The following USP12 variants were observed in gnomAD, a reference collection of about 807,000 sequenced individuals.
USP12 encodes ubiquitin carboxyl-terminal hydrolase 12.
A neutral mutation model predicts 45.5 loss-of-function variants in USP12; 19 were observed. That is an observed-to-expected ratio of 0.42 (90% CI 0.29 to 0.61). The LOEUF (loss-of-function observed/expected upper bound fraction) is 0.61. Ranked by LOEUF, USP12 falls within the 20% of genes least tolerant of loss-of-function variation. The pLI, the probability that USP12 is intolerant of heterozygous loss-of-function variation, is 0.22. For missense variants in USP12, 242 were observed against 447.7 expected, an observed-to-expected ratio of 0.54 and a Z score of 4.15; for synonymous variants, 149 against 148.8, an observed-to-expected ratio of 1.00 and a Z score of -0.01.
intron 6 of USP12, among the ~76,000 whole-genome samples, chr13:27,080,835 A>C (rs2137760254): frequency 6.6e-6 from 1 of 152,300 alleles, no homozygotes; most frequent in South Asian, 2.1e-4. Flanking sequence ...ATGTAACAGC[A>C]TTATGTCTGA....
intron 4 of USP12, among the ~76,000 whole-genome samples, 173 bp from the exon 5 acceptor site, chr13:27,090,331 C>A (rs1486950737): frequency 1.3e-5 from 2 of 152,094 alleles, no homozygotes; most frequent in Non-Finnish European, 2.9e-5. Flanking sequence ...GAATAAATAA[C>A]CCCTACCAGA....
rs529431283 is a variant in USP12 at position 27,142,064 on chromosome 13, C to CT, written c.49-25469dup. Among the ~76,000 whole-genome samples the CT allele has an allele frequency of 5.3e-3, 807 of 152,242 alleles. 8 individuals are homozygous for CT. Among genetic ancestry groups the CT allele is most frequent in the African/African-American group, 0.019 (773 of 41,540 alleles). ...TTGAACTCAGGAGGCAGAGGGTGCA[C>CT]TGAGCTGAGATCGTGCCACTACACT... On this transcript the variant is annotated intron_variant, in intron 1 of 8. Coordinates refer to ENST00000282344, the MANE Select transcript of USP12 (RefSeq NM_182488.4).
chr13:27,164,172 A>G (rs1006354020), intron 1 of USP12, among the ~76,000 whole-genome samples: 3 of 152,186 alleles, frequency 2.0e-5, no homozygotes, highest in Non-Finnish European at 4.4e-5. Flanking sequence ...CAAAGGCAAC[A>G]GTACTCTAAC....
At chr13:27,120,621 TAA>T (rs57930303) in intron 1 of USP12, among the ~76,000 whole-genome samples, 7,417 of 145,090 alleles carry the variant, frequency 0.051, 188 homozygotes, top group Middle Eastern at 0.059. Context: ...AAACTCCATC[TAA>T]AAAAAAAAAA....
Position 27,129,214 on chromosome 13 carries a change from T to C in USP12, c.49-12618A>G, listed in dbSNP as rs1387396800. On this transcript the variant is annotated intron_variant, in intron 1 of 8. Transcript: ENST00000282344. This position sits in a 1 kb window ranked among gnomAD's most constrained non-coding sequence, Gnocchi z 4.0. ...TCACTGAGACAACAGGAATATTATA[T>C]TAAACCACAGTTAAGTGGAAAGAAC... Among the ~76,000 whole-genome samples, 1 of 143,574 alleles carries C rather than the reference T, an allele frequency of 7.0e-6. No individual in the cohort carries two copies. Among genetic ancestry groups the C allele is most frequent in the Non-Finnish European group, 1.5e-5 (1 of 65,300 alleles). 94.2% of individuals were successfully genotyped at this position (143,574 alleles called of 152,430 possible).
chr13:27,132,229 C>CA (rs1159721500), intron 1 of USP12, among the ~76,000 whole-genome samples: 5 of 152,006 alleles, frequency 3.3e-5, no homozygotes, highest in Non-Finnish European at 1.5e-5. Context: ...TTGGTGTATT[C>CA]AAAAAGCAAT....
At chr13:27,086,193 A>ATATATAT (rs1333218859) in intron 6 of USP12, among the ~76,000 whole-genome samples, 139 of 66,848 alleles carry the variant, frequency 2.1e-3, no homozygotes, top group Admixed American at 2.8e-3. Flanking sequence ...AAAAAAAAAA[A>ATATATAT]AAAAATATAT....
intron 1 of USP12, among the ~76,000 whole-genome samples, chr13:27,128,599 C>A: frequency 6.6e-6 from 1 of 152,226 alleles, no homozygotes; most frequent in East Asian, 1.9e-4. Flanking sequence ...GATTCACCCA[C>A]TTTGGTGAAC....
chr13:27,079,387 T>G (rs995725500), intron 6 of USP12, among the ~76,000 whole-genome samples: 1 of 152,208 alleles, frequency 6.6e-6, no homozygotes, highest in Non-Finnish European at 1.5e-5. Flanking sequence ...CTTTAGCACC[T>G]GTCAGTGACT....
At chr13:27,106,005 T>C in intron 2 of USP12, 61 bp from the exon 3 acceptor site, 3 of 1,413,924 alleles carry the variant, frequency 2.1e-6, no homozygotes, top group Middle Eastern at 1.8e-4. Context: ...AGAGAGAAAT[T>C]CCCGGTATAT....
At chr13:27,153,642 C>CTCA (rs946120707) in intron 1 of USP12, among the ~76,000 whole-genome samples, 6 of 152,136 alleles carry the variant, frequency 3.9e-5, no homozygotes, top group Admixed American at 2.0e-4. Flanking sequence ...CCTCATGGAG[C>CTCA]TCACACACCC....
chr13:27,161,275 A>G (rs890038560), intron 1 of USP12, among the ~76,000 whole-genome samples: 4 of 152,202 alleles, frequency 2.6e-5, no homozygotes, highest in Non-Finnish European at 4.4e-5. Flanking sequence ...TAACGGCTAG[A>G]TTTTTGGACT....
chr13:27,075,416 T>C (rs756269699), intron 6 of USP12, 28 bp from the exon 7 acceptor site: 1 of 1,574,294 alleles, frequency 6.4e-7, no homozygotes, highest in Non-Finnish European at 8.7e-7. Flanking sequence ...GAAAACAAAA[T>C]TTCATAAAAG....
intron 1 of USP12, among the ~76,000 whole-genome samples, chr13:27,117,160 C>T (rs982961318): frequency 6.6e-6 from 1 of 152,120 alleles, no homozygotes; most frequent in Non-Finnish European, 1.5e-5. Flanking sequence ...ACTAAAAATT[C>T]GTTTATAGGA....
At chr13:27,135,548 G>A (rs1277068312) in intron 1 of USP12, among the ~76,000 whole-genome samples, 1 of 151,714 alleles carries the variant, frequency 6.6e-6, no homozygotes, top group Admixed American at 6.6e-5. Context: ...CTCCATCTCT[G>A]CAAAAAATCC....
In USP12 at chr13:27,072,863, C is replaced by T. The variant is rs369294901; in HGVS notation, c.933-1714G>A. Among the ~76,000 whole-genome samples, 18 of 152,222 alleles carry T rather than the reference C, an allele frequency of 1.2e-4. No homozygotes were observed. In the East Asian group the frequency reaches 2.1e-3, roughly 18 times the overall value. Reference sequence around the variant, plus strand: ...AACTGACATGCTGATAATGAGGCTGCGCACACCCTCCACACTTTCATATGA... The same window carrying T: ...AACTGACATGCTGATAATGAGGCTGTGCACACCCTCCACACTTTCATATGA... On this transcript the variant is annotated intron_variant, in intron 7 of 8. Coordinates refer to ENST00000282344, the MANE Select transcript of USP12 (RefSeq NM_182488.4).
intron 7 of USP12, among the ~76,000 whole-genome samples, chr13:27,073,582 TG>T (rs765130380): frequency 1.8e-4 from 27 of 152,168 alleles, no homozygotes; most frequent in Non-Finnish European, 2.9e-4. Context: ...CTCAGTATAT[TG>T]TGAGTAGAGC....
At chr13:27,147,616 G>A (rs2497980) in intron 1 of USP12, among the ~76,000 whole-genome samples, 5,021 of 152,146 alleles carry the variant, frequency 0.033, 279 homozygotes, top group African/African-American at 0.12. Flanking sequence ...TAAAAATGCT[G>A]AAAGTCAAAG....
intron 1 of USP12, among the ~76,000 whole-genome samples, chr13:27,165,939 T>A (rs982843373): frequency 1.3e-5 from 2 of 150,812 alleles, no homozygotes; most frequent in Non-Finnish European, 3.0e-5. Flanking sequence ...TAATAATAAT[T>A]TTTTAAAAAA....
Sources: gnomAD v4.1 joint callset for allele counts (sites outside exome capture counted in the v4.1 genomes callset) on GRCh38, gnomAD v4.1.1 for gene constraint, Gnocchi (gnomAD v3.1) non-coding constraint, MANE v1.5 for transcripts, NCBI Gene and HGNC (gene_info 2026-07-23, HGNC 2026-07-21) for gene names.